RSRC1: variants seen among roughly 807,000 people sequenced by gnomAD.
RSRC1 encodes arginine and serine rich coiled-coil 1.
In RSRC1, 39 loss-of-function variants were observed where a neutral mutation model predicts 49.1. The ratio of observed to expected loss-of-function variants is 0.79; its 90% CI spans 0.61 to 1.04. The LOEUF is 1.04. RSRC1 is among the 50% of genes least tolerant of loss of function. RSRC1 has a pLI of 0.00. For missense variants in RSRC1, 388 were observed against 402.4 expected, an observed-to-expected ratio of 0.96 and a Z score of 0.31; for synonymous variants, 143 against 130.8, an observed-to-expected ratio of 1.09 and a Z score of -0.63.
chr3:158,414,956 C>T (rs1045471326), intron 6 of RSRC1, among the ~76,000 whole-genome samples: 1 of 152,044 alleles, frequency 6.6e-6, no homozygotes, highest in African/African-American at 2.4e-5. Flanking sequence ...TAACTTTGAT[C>T]TTTATTAGAT....
intron 4 of RSRC1, among the ~76,000 whole-genome samples, chr3:158,252,705 A>T (rs1455086773): frequency 6.6e-6 from 1 of 152,204 alleles, no homozygotes; most frequent in African/African-American, 2.4e-5. Flanking sequence ...CATTGAAGCC[A>T]TTGAGTCATG....
intron 6 of RSRC1, among the ~76,000 whole-genome samples, chr3:158,402,158 A>G (rs962570296): frequency 6.6e-6 from 1 of 151,934 alleles, no homozygotes; most frequent in Non-Finnish European, 1.5e-5. Flanking sequence ...GAGTTTAATT[A>G]TTTCAGTGCT....
chr3:158,379,629 G>C (rs569559744), intron 6 of RSRC1, among the ~76,000 whole-genome samples: 2 of 151,884 alleles, frequency 1.3e-5, no homozygotes, highest in Admixed American at 1.3e-4. Context: ...TTCTTAGTAT[G>C]CCTTAGTCTC....
Position 158,239,757 on chromosome 3 carries a change from T to G in RSRC1, c.494+36512T>G, listed in dbSNP as rs1295384350. Reference sequence around the variant, plus strand: ...GGTTCACCTTTTCATTATAGGGTACTGGAATTTCTTCTATATTCTGGGTTT... The same window carrying G: ...GGTTCACCTTTTCATTATAGGGTACGGGAATTTCTTCTATATTCTGGGTTT... On this transcript the variant is annotated intron_variant, in intron 4 of 9. Transcript: ENST00000611884. 2.6e-5 allele frequency among the ~76,000 whole-genome samples: 4 copies of G among 152,216 alleles called. No individual in the cohort carries two copies. In the East Asian group the frequency reaches 7.7e-4, roughly 29 times the overall value.
chr3:158,297,276 T>G (rs1727286245), intron 4 of RSRC1, among the ~76,000 whole-genome samples: 2 of 152,052 alleles, frequency 1.3e-5, no homozygotes, highest in South Asian at 2.1e-4. Flanking sequence ...TTTAACTATT[T>G]GCCACATTTC....
intron 5 of RSRC1, among the ~76,000 whole-genome samples, chr3:158,310,167 A>G (rs1274748312): frequency 1.3e-5 from 2 of 151,744 alleles, no homozygotes; most frequent in East Asian, 3.9e-4. Context: ...AAGATATTAT[A>G]TAAATACCTT....
At chr3:158,508,552 T>C (rs1286858236) in intron 7 of RSRC1, among the ~76,000 whole-genome samples, 1 of 152,128 alleles carries the variant, frequency 6.6e-6, no homozygotes, top group Non-Finnish European at 1.5e-5. Flanking sequence ...TTATCTGTTG[T>C]TTCTCTTTCT....
intron 4 of RSRC1, among the ~76,000 whole-genome samples, chr3:158,274,383 T>G (rs1725689859): frequency 1.3e-5 from 2 of 150,120 alleles, no homozygotes; most frequent in South Asian, 4.2e-4. Flanking sequence ...TTTTTTTTTC[T>G]TTTTAGTTTA....
At chr3:158,529,786 T>C (rs1294827216) in intron 7 of RSRC1, among the ~76,000 whole-genome samples, 1 of 152,022 alleles carries the variant, frequency 6.6e-6, no homozygotes, top group East Asian at 1.9e-4. Context: ...TTCTACCGCC[T>C]AACTGTCATT....
At chr3:158,233,130 A>T (rs1382319382) in intron 4 of RSRC1, among the ~76,000 whole-genome samples, 2 of 152,172 alleles carry the variant, frequency 1.3e-5, no homozygotes, top group Non-Finnish European at 2.9e-5. Flanking sequence ...GTTGCAAGTG[A>T]GAAGGGAAAG....
chr3:158,446,681 C>T (rs1202810753), intron 6 of RSRC1, among the ~76,000 whole-genome samples: 1 of 151,698 alleles, frequency 6.6e-6, no homozygotes, highest in Non-Finnish European at 1.5e-5. Flanking sequence ...ACTTGAGTGC[C>T]GACATAGATT....
intron 3 of RSRC1, among the ~76,000 whole-genome samples, chr3:158,144,322 C>T (rs1467854829): frequency 2.0e-5 from 3 of 151,018 alleles, no homozygotes; most frequent in Admixed American, 2.0e-4. Context: ...GTGTGATGTT[C>T]CCCTTCCTGT....
At position 158,118,462 on chromosome 3, in the gene RSRC1, T is replaced by TGTGCGTGTGC. The variant is rs1491469875; in HGVS notation, c.-2-3640_-2-3639insTGCGTGTGCG. ...GTGTGTGTGTGTGTGTGTGTGTGTG[T>TGTGCGTGTGC]GCGCGTGCGCGTGGTTTTTTTAAAT... is the stretch of plus-strand genomic sequence containing the variant. On this transcript the variant is annotated intron_variant, in intron 1 of 9. Coordinates refer to ENST00000611884, the MANE Select transcript of RSRC1 (RefSeq NM_001271838.2). 1.6e-5 allele frequency among the ~76,000 whole-genome samples: 2 copies of TGTGCGTGTGC among 124,682 alleles called. 1 individual carries two copies. Among genetic ancestry groups the TGTGCGTGTGC allele is most frequent in the Admixed American group, 1.6e-4 (2 of 12,650 alleles). The allele number at this position is 124,682 out of a possible 152,430, so 81.8% of individuals were successfully genotyped here.
intron 7 of RSRC1, among the ~76,000 whole-genome samples, chr3:158,488,556 A>G (rs1376115737): frequency 6.6e-6 from 1 of 152,218 alleles, no homozygotes; most frequent in East Asian, 1.9e-4. Flanking sequence ...TAGACATTAA[A>G]GAAGAGCTGC....
At chr3:158,378,521 T>C (rs1259264062) in intron 6 of RSRC1, among the ~76,000 whole-genome samples, 2 of 152,356 alleles carry the variant, frequency 1.3e-5, no homozygotes, top group Non-Finnish European at 1.5e-5. Flanking sequence ...GCAGTTTACT[T>C]GGATAGACCC....
chr3:158,489,856 C>T (rs1159630580), intron 7 of RSRC1, among the ~76,000 whole-genome samples: 4 of 151,890 alleles, frequency 2.6e-5, no homozygotes, highest in Non-Finnish European at 5.9e-5. Flanking sequence ...TCTTACTAAC[C>T]TTCTGAAAGA....
chr3:158,413,153 A>G (rs371755312), intron 6 of RSRC1, among the ~76,000 whole-genome samples: 8 of 152,130 alleles, frequency 5.3e-5, no homozygotes, highest in African/African-American at 9.7e-5. Context: ...ACATAGACCA[A>G]TGGAACAGAA....
chr3:158,381,933 T>A (rs1732723268), intron 6 of RSRC1, among the ~76,000 whole-genome samples: 1 of 152,208 alleles, frequency 6.6e-6, no homozygotes, highest in African/African-American at 2.4e-5. Context: ...TAAATTCATT[T>A]AAATTTTTTT....
chr3:158,271,919 G>C (rs1725540569), intron 4 of RSRC1, among the ~76,000 whole-genome samples: 1 of 152,092 alleles, frequency 6.6e-6, no homozygotes, highest in South Asian at 2.1e-4. Context: ...GTTAATATTA[G>C]TCTTTTGAGT....
Sources: allele counts gnomAD v4.1 joint callset (sites outside exome capture counted in the v4.1 genomes callset), GRCh38; gene constraint gnomAD v4.1.1; transcripts MANE v1.5; gene names NCBI Gene and HGNC (gene_info 2026-07-23, HGNC 2026-07-21).